GYS2: variants seen among roughly 807,000 people sequenced by gnomAD.
GYS2 encodes glycogen synthase 2.
GYS2 carries 80 observed loss-of-function variants against 85.6 expected under a neutral mutation model. The ratio of observed to expected loss-of-function variants is 0.93; its 90% CI spans 0.78 to 1.13. The LOEUF is 1.13. GYS2 is among the 50% of genes most tolerant of loss of function. The pLI, the probability that GYS2 is intolerant of heterozygous loss-of-function variation, is 0.00. For synonymous variants in GYS2, 328 were observed against 300.7 expected (o/e 1.09, Z -0.94); for missense variants, 881 against 854.9 (o/e 1.03, Z -0.38).
chr12:21,588,467 T>A (rs1346045747), intron 1 of GYS2, among the ~76,000 whole-genome samples: 4 of 152,228 alleles, frequency 2.6e-5, no homozygotes, highest in Non-Finnish European at 5.9e-5. Context: ...CCAATAGGAT[T>A]CATTAATTTA....
intron 14 of GYS2, 131 bp downstream of exon 14, chr12:21,540,279 G>A (rs1943956388): frequency 1.2e-6 from 1 of 860,882 alleles, no homozygotes; most frequent in Non-Finnish European, 1.9e-6. Flanking sequence ...ATTTTAAAAA[G>A]TACATGGAGA....
chr12:21,566,720 A>T (rs1378976439), intron 5 of GYS2, among the ~76,000 whole-genome samples: 1 of 152,204 alleles, frequency 6.6e-6, no homozygotes. Flanking sequence ...AGAAAGGATT[A>T]TCCACATTAT....
chr12:21,567,319 GA>G (rs1008124848), intron 5 of GYS2, among the ~76,000 whole-genome samples: 2 of 152,064 alleles, frequency 1.3e-5, no homozygotes, highest in African/African-American at 4.8e-5. Context: ...CAAAAACAAA[GA>G]AAGTATTTTT....
chr12:21,557,261 G>A (rs1944191774), intron 11 of GYS2, among the ~76,000 whole-genome samples: 1 of 152,140 alleles, frequency 6.6e-6, no homozygotes, highest in African/African-American at 2.4e-5. Flanking sequence ...CTGTTTGCAT[G>A]TTCATCTTTG....
intron 13 of GYS2, among the ~76,000 whole-genome samples, chr12:21,541,711 C>G (rs1487521939): frequency 6.6e-6 from 1 of 151,892 alleles, no homozygotes; most frequent in African/African-American, 2.4e-5. Flanking sequence ...TTTTTCTCCA[C>G]TTTTAGTTTA....
chr12:21,559,158 G>T lies in GYS2; in HGVS notation c.1241C>A (p.Pro414His). The change falls in exon 10 of 16, where the codon CCT becomes CAT. Residue 414 changes from proline (P) to histidine (H), a missense_variant. By Grantham distance (77) the Pro-to-His change is moderately conservative (BLOSUM62 -2). Coordinates refer to ENST00000261195, the MANE Select transcript of GYS2 (RefSeq NM_021957.4). ...LYDALLRGEI[P>H]DLNDILDRDD... ...TCGATCTAAAATATCGTTCAGGTCA[G>T]GAATTTCTCCTCTGCAGGGAAAAAA... The T allele has an allele frequency of 6.2e-7, 1 of 1,603,330 alleles. No individual in the cohort carries two copies. The highest frequency in any genetic ancestry group is 1.1e-5 in the South Asian group (1 of 90,582).
chr12:21,584,529 G>A (rs1411778479), intron 1 of GYS2, among the ~76,000 whole-genome samples: 1 of 152,196 alleles, frequency 6.6e-6, no homozygotes, highest in Non-Finnish European at 1.5e-5. Flanking sequence ...AGGGATGGAA[G>A]TTATGCTTGG....
chr12:21,590,403 A>T (rs1944623881), intron 1 of GYS2, among the ~76,000 whole-genome samples: 1 of 152,150 alleles, frequency 6.6e-6, no homozygotes, highest in Non-Finnish European at 1.5e-5. Context: ...CAACCCTCCC[A>T]GAAGCCTGAT....
chr12:21,562,638 TAGA>T (rs560836078), intron 7 of GYS2, among the ~76,000 whole-genome samples: 28 of 57,560 alleles, frequency 4.9e-4, no homozygotes, highest in Middle Eastern at 9.6e-3. Flanking sequence ...TATTAAAACA[TAGA>T]AGGGGAGAAT....
At chr12:21,582,711 A>G (rs1260093674) in intron 1 of GYS2, among the ~76,000 whole-genome samples, 5 of 152,110 alleles carry the variant, frequency 3.3e-5, no homozygotes, top group Non-Finnish European at 7.4e-5. Context: ...TTCTAGAGGA[A>G]CAGAATATTA....
chr12:21,568,951 C>G lies in GYS2; in HGVS notation c.737G>C (p.Arg246Pro), dbSNP rs771954836. Residue 246 changes from arginine to proline, a missense_variant, in exon 5 of 16, where the codon CGA becomes CCA. Coordinates refer to ENST00000261195, the MANE Select transcript of GYS2 (RefSeq NM_021957.4). ...RQIYHRYCME[R>P]ASVHCAHVFT... ...CACGTGAGCGCAATGAACGGAAGCT[C>G]GCTCCATGCAGTACCGGTGGTAAAT... The G allele has an allele frequency of 6.2e-7, 1 of 1,613,700 alleles. No homozygotes were observed. The highest frequency in any genetic ancestry group is 8.5e-7 in the Non-Finnish European group (1 of 1,179,610).
chr12:21,553,493 T>A (rs2056439382), intron 11 of GYS2, among the ~76,000 whole-genome samples: 1 of 152,208 alleles, frequency 6.6e-6, no homozygotes, highest in Non-Finnish European at 1.5e-5. Flanking sequence ...CAGCTGCTCC[T>A]AACTTACAGG....
At chr12:21,591,592 A>G (rs1944639540) in intron 1 of GYS2, among the ~76,000 whole-genome samples, 1 of 152,176 alleles carries the variant, frequency 6.6e-6, no homozygotes, top group South Asian at 2.1e-4. Context: ...ATAGCTGAAA[A>G]CTTGTCAAGT....
chr12:21,552,715 TCTC>T (rs1458929270), intron 11 of GYS2, among the ~76,000 whole-genome samples: 1 of 152,204 alleles, frequency 6.6e-6, no homozygotes, highest in Non-Finnish European at 1.5e-5. Context: ...CAAACTTTCA[TCTC>T]CACTCACCCT....
At chr12:21,579,550 G>A (rs1944485309) in intron 2 of GYS2, among the ~76,000 whole-genome samples, 1 of 151,900 alleles carries the variant, frequency 6.6e-6, no homozygotes, top group Non-Finnish European at 1.5e-5. Context: ...AGTAGAGACA[G>A]GGGTTTCACC....
chr12:21,560,209 G>C (rs111241836), intron 8 of GYS2, among the ~76,000 whole-genome samples, 177 bp downstream of exon 8: 3 of 152,098 alleles, frequency 2.0e-5, no homozygotes, highest in Non-Finnish European at 2.9e-5. Flanking sequence ...CACCTATAAT[G>C]TTATAACCAT....
intron 1 of GYS2, among the ~76,000 whole-genome samples, chr12:21,600,720 A>C (rs1269999106): frequency 6.6e-6 from 1 of 152,134 alleles, no homozygotes; most frequent in Non-Finnish European, 1.5e-5. Context: ...CCTAATTTTT[A>C]GATATAATTT....
chr12:21,544,424 G>A (rs893761976), intron 12 of GYS2, among the ~76,000 whole-genome samples: 10 of 152,060 alleles, frequency 6.6e-5, no homozygotes, highest in Non-Finnish European at 1.0e-4. Flanking sequence ...TGACACTTTG[G>A]TGGACAGTCA....
rs181144954 is a variant in GYS2 at position 21,604,609 on chromosome 12, C to T, written c.-17G>A. ...TCGAAGCATTCTTCTTACAGTCCTC[C>T]GAGACTCCTTTGAATTCCTGTTTCA... On this transcript the variant is annotated 5_prime_UTR_variant, in exon 1 of 16. Transcript: ENST00000261195. The T allele has an allele frequency of 9.2e-5, 148 of 1,611,876 alleles. No individual in the cohort carries two copies. Among genetic ancestry groups the T allele is most frequent in the Non-Finnish European group, 1.1e-4 (135 of 1,178,474 alleles).
Sources: gnomAD v4.1 joint callset for allele counts (sites outside exome capture counted in the v4.1 genomes callset) on GRCh38, gnomAD v4.1.1 for gene constraint, MANE v1.5 for transcripts, NCBI Gene and HGNC (gene_info 2026-07-23, HGNC 2026-07-21) for gene names.